The following ANO10 variants were observed in gnomAD, a reference collection of about 807,000 sequenced individuals.
The protein encoded by ANO10 is anoctamin 10.
Under a neutral mutation model 74.7 loss-of-function variants are expected in ANO10, and 77 were observed. The ratio of observed to expected loss-of-function variants is 1.03; its 90% CI spans 0.86 to 1.25. The LOEUF (loss-of-function observed/expected upper bound fraction) is 1.25, where lower values mean the gene tolerates loss of function less well. Ranked by LOEUF, ANO10 falls within the 50% of genes most tolerant of loss-of-function variation. The pLI, the probability that ANO10 is intolerant of heterozygous loss-of-function variation, is 0.00. For synonymous variants in ANO10, 279 were observed against 284.9 expected, an observed-to-expected ratio of 0.98 and a Z score of 0.21; for missense variants, 721 against 778.1, an observed-to-expected ratio of 0.93 and a Z score of 0.87.
chr3:43,526,293 T>C (rs1386348939), intron 11 of ANO10, among the ~76,000 whole-genome samples: 1 of 152,196 alleles, frequency 6.6e-6, no homozygotes, highest in Non-Finnish European at 1.5e-5. Flanking sequence ...TAATCAACCA[T>C]CATTTTGACA....
In ANO10 at chr3:43,374,760, T is replaced by C. The variant is rs539642345; in HGVS notation, c.1915-7786A>G. Among the ~76,000 whole-genome samples the C allele has an allele frequency of 3.9e-5, 6 of 152,362 alleles. No homozygotes were observed. In the East Asian group the frequency reaches 9.6e-4, roughly 24 times the overall value. ...GAAACCATGGCAGCCTGGCTCCAGA[T>C]ACACCAGGTTAACCCTATCTTGATC... On this transcript the variant is annotated intron_variant, in intron 12 of 12. Transcript: ENST00000292246.
At chr3:43,545,033 T>C (rs776203912) in intron 11 of ANO10, among the ~76,000 whole-genome samples, 1 of 151,370 alleles carries the variant, frequency 6.6e-6, no homozygotes, top group Non-Finnish European at 1.5e-5. Flanking sequence ...TTAATTAATT[T>C]GGAAAAAAAG....
intron 1 of ANO10, among the ~76,000 whole-genome samples, chr3:43,621,352 T>C (rs983774529): frequency 1.3e-5 from 2 of 152,070 alleles, no homozygotes; most frequent in African/African-American, 4.8e-5. Context: ...GTCAAAAGCC[T>C]GGAAACTCAG....
chr3:43,484,775 C>G (rs1395264987), intron 11 of ANO10, among the ~76,000 whole-genome samples: 2 of 152,128 alleles, frequency 1.3e-5, no homozygotes, highest in African/African-American at 4.8e-5. Flanking sequence ...TCTCTGAGGT[C>G]TTCTTGGCCA....
chr3:43,549,791 T>C lies in ANO10; in HGVS notation c.1726A>G (p.Met576Val), dbSNP rs1475383410. The C allele has an allele frequency of 1.2e-6, 2 of 1,613,936 alleles. No homozygotes were observed. The highest frequency in any genetic ancestry group is 2.7e-5 in the African/African-American group (2 of 74,928). ...AAGACTGCATTCACTTGTGGTGACA[T>C]TCCAATCAGCGCACAGTTAGTGACC... ...SVVTNCALIG[M>V]SPQVNAVFPE... The change falls in exon 11 of 13, where the codon ATG (methionine) becomes GTG (valine). Residue 576 changes from methionine (M) to valine (V), a missense_variant. Met to Val is a conservative substitution (Grantham distance 21). Coordinates refer to ENST00000292246, the MANE Select transcript of ANO10 (RefSeq NM_018075.5).
chr3:43,580,265 C>G (rs1197491880), intron 5 of ANO10, 88 bp downstream of exon 5: 15 of 1,549,416 alleles, frequency 9.7e-6, no homozygotes, highest in Non-Finnish European at 1.3e-5. Context: ...CACTAAATAT[C>G]TGCCCAAGGG....
At chr3:43,463,642 C>T (rs540871455) in intron 11 of ANO10, among the ~76,000 whole-genome samples, 1 of 152,168 alleles carries the variant, frequency 6.6e-6, no homozygotes, top group Non-Finnish European at 1.5e-5. Flanking sequence ...TGCCTGTACC[C>T]CCACTGTATC....
intron 11 of ANO10, among the ~76,000 whole-genome samples, chr3:43,442,632 T>C (rs2093177264): frequency 6.6e-6 from 1 of 152,224 alleles, no homozygotes; most frequent in South Asian, 2.1e-4. Context: ...AAGTGATCTA[T>C]AGATTCAATG....
intron 1 of ANO10, among the ~76,000 whole-genome samples, chr3:43,637,040 C>A (rs112306936): frequency 1.2e-4 from 19 of 152,282 alleles, no homozygotes; most frequent in Admixed American, 1.3e-4. Context: ...CGTGGTGGTG[C>A]ATGCCTGCAG....
chr3:43,406,895 C>T (rs966104012), intron 12 of ANO10, among the ~76,000 whole-genome samples: 28 of 150,664 alleles, frequency 1.9e-4, no homozygotes, highest in Admixed American at 8.0e-4. Flanking sequence ...CGCTGAGTCT[C>T]GCAACAGAGA....
chr3:43,484,036 A>G lies in ANO10; in HGVS notation c.1798-51309T>C, dbSNP rs377163132. ...ACTGCAGCCTCAACCTCCCAGACTC[A>G]ATGATCCTCCCACCTCAGCCTCCCG... On this transcript the variant is annotated intron_variant, in intron 11 of 12. Coordinates refer to ENST00000292246, the MANE Select transcript of ANO10 (RefSeq NM_018075.5). 1.1e-4 allele frequency among the ~76,000 whole-genome samples: 16 copies of G among 152,194 alleles called. 1 individual carries two copies. The highest frequency in any genetic ancestry group is 7.7e-4 in the East Asian group (4 of 5,180).
At chr3:43,502,926 G>A (rs1272601227) in intron 11 of ANO10, among the ~76,000 whole-genome samples, 2 of 152,186 alleles carry the variant, frequency 1.3e-5, no homozygotes, top group Non-Finnish European at 2.9e-5. Context: ...CAGGAGCTAG[G>A]TGGAGGGGAT....
At chr3:43,561,194 T>A (rs914086593) in intron 9 of ANO10, 26 bp downstream of exon 9, 1 of 1,611,948 alleles carries the variant, frequency 6.2e-7, no homozygotes, top group African/African-American at 1.3e-5. Context: ...TCAGTAAATG[T>A]TTAATTCAGC....
intron 11 of ANO10, among the ~76,000 whole-genome samples, chr3:43,531,957 T>C (rs2078489977): frequency 6.6e-6 from 1 of 150,588 alleles, no homozygotes; most frequent in Admixed American, 6.6e-5. Flanking sequence ...TGTCACAAGC[T>C]CAGTGATGCT....
chr3:43,688,569 G>A (rs9816915), intron 1 of ANO10, among the ~76,000 whole-genome samples: 3,912 of 152,264 alleles, frequency 0.026, 172 homozygotes, highest in African/African-American at 0.088. Flanking sequence ...ACAGCTGGGC[G>A]CGGTGGCTCA....
intron 11 of ANO10, among the ~76,000 whole-genome samples, chr3:43,534,264 C>T (rs1188325261): frequency 6.6e-6 from 1 of 152,158 alleles, no homozygotes; most frequent in Non-Finnish European, 1.5e-5. Context: ...AGGCAGGCCA[C>T]CACTGTCCAC....
At chr3:43,524,748 T>C (rs1366696035) in intron 11 of ANO10, among the ~76,000 whole-genome samples, 1 of 152,076 alleles carries the variant, frequency 6.6e-6, no homozygotes, top group African/African-American at 2.4e-5. Context: ...TCTTCCAGCA[T>C]CCTTTATCTC....
chr3:43,417,668 T>C (rs538480649), intron 12 of ANO10, among the ~76,000 whole-genome samples: 1 of 152,334 alleles, frequency 6.6e-6, no homozygotes, highest in South Asian at 2.1e-4. Flanking sequence ...GCTGCTTCAA[T>C]AGTGCTTTTA....
chr3:43,482,907 G>A (rs1473358271), intron 11 of ANO10, among the ~76,000 whole-genome samples: 1 of 152,150 alleles, frequency 6.6e-6, no homozygotes, highest in Non-Finnish European at 1.5e-5. Context: ...GAGCAAAGCT[G>A]TACCCTTGCA....
Sources: allele counts gnomAD v4.1 joint callset (sites outside exome capture counted in the v4.1 genomes callset), GRCh38; gene constraint gnomAD v4.1.1; transcripts MANE v1.5; gene names NCBI Gene and HGNC (gene_info 2026-07-23, HGNC 2026-07-21).